The following LTBP2 variants were observed in gnomAD, a reference collection of about 807,000 sequenced individuals.
LTBP2 encodes latent transforming growth factor beta binding protein 2.
A neutral mutation model predicts 210.6 loss-of-function variants in LTBP2; 103 were observed. The ratio of observed to expected loss-of-function variants is 0.49; its 90% CI spans 0.42 to 0.58. The LOEUF (loss-of-function observed/expected upper bound fraction) is 0.58. Ranked by LOEUF, LTBP2 falls within the 20% of genes least tolerant of loss-of-function variation. LTBP2 has a pLI of 0.00. For missense variants in LTBP2, 2,313 were observed against 2,494.5 expected (o/e 0.93, Z 1.55); for synonymous variants, 1,007 against 1,015.0 (o/e 0.99, Z 0.15).
In LTBP2 at chr14:74,528,626, C is replaced by T; in HGVS notation, c.2225G>A (p.Arg742Lys). The change falls in exon 12 of 36, where the codon AGG (arginine) becomes AAG (lysine). Residue 742 changes from arginine (R) to lysine (K), a missense_variant. Transcript: ENST00000261978. ...TGCCAGTTCCTCCTCCTCGGCTTTC[C>T]TCATGGACAGGCGGATGTCGGAGCT... ...YASSDIRLSM[R>K]KAEEEELARP... The T allele has an allele frequency of 6.2e-7, 1 of 1,613,648 alleles. No individual in the cohort carries two copies. The highest frequency in any genetic ancestry group is 8.5e-7 in the Non-Finnish European group (1 of 1,180,052).
intron 10 of LTBP2, among the ~76,000 whole-genome samples, chr14:74,531,105 G>C (rs1398901925): frequency 6.6e-6 from 1 of 152,216 alleles, no homozygotes; most frequent in Non-Finnish European, 1.5e-5. Context: ...ACCCAGGTGG[G>C]AATATCAGGA....
intron 19 of LTBP2, 122 bp from the exon 20 acceptor site, chr14:74,510,335 A>T: frequency 7.0e-7 from 1 of 1,432,828 alleles, no homozygotes; most frequent in South Asian, 1.2e-5. Context: ...GCCGCAGGCC[A>T]CCTGGGGAGG....
Position 74,503,341 on chromosome 14 carries a change from T to C in LTBP2, c.4766A>G (p.Lys1589Arg). ...HDIHMDICWK[K>R]VTNDVCSEPL... is the part of the protein sequence containing the mutation. ...TTCGCTGCACACATCATTGGTGACT[T>C]TTTTCCAGCAGATGTCCATGTGGAT... is the stretch of plus-strand genomic sequence containing the variant. The change falls in exon 33 of 36, where the codon AAA becomes AGA. Residue 1589 changes from lysine (K) to arginine (R), a missense_variant. Lys to Arg is a conservative substitution (Grantham distance 26). Transcript: ENST00000261978. 6.2e-7 allele frequency: 1 copy of C among 1,613,760 alleles called. No individual in the cohort carries two copies. Among genetic ancestry groups the C allele is most frequent in the Non-Finnish European group, 8.5e-7 (1 of 1,179,972 alleles).
chr14:74,506,884 CGCGCGTGT>C (rs2086998627), intron 26 of LTBP2, 61 bp from the exon 27 acceptor site: 1 of 1,505,536 alleles, frequency 6.6e-7, no homozygotes, highest in Non-Finnish European at 9.0e-7. Flanking sequence ...TGTGTGCGCG[CGCGCGTGT>C]GTGCTCACTC....
intron 8 of LTBP2, among the ~76,000 whole-genome samples, chr14:74,537,124 G>A (rs2087431481): frequency 1.3e-5 from 2 of 150,682 alleles, no homozygotes; most frequent in Non-Finnish European, 2.9e-5. Flanking sequence ...TACACATCCT[G>A]CCTTGAAATC....
At chr14:74,523,522 G>A (rs1332201218) in intron 15 of LTBP2, among the ~76,000 whole-genome samples, 2 of 152,076 alleles carry the variant, frequency 1.3e-5, no homozygotes, top group East Asian at 1.9e-4. Context: ...CTTAAAACCT[G>A]TTGAAATAAT....
intron 3 of LTBP2, among the ~76,000 whole-genome samples, chr14:74,563,073 C>A (rs934440887): frequency 3.9e-5 from 6 of 152,182 alleles, no homozygotes; most frequent in Non-Finnish European, 8.8e-5. Context: ...GCTCCTCCCA[C>A]CACCATGACC....
chr14:74,586,978 C>G lies in LTBP2; in HGVS notation c.566-860G>C, dbSNP rs544081741. 1.3e-5 allele frequency among the ~76,000 whole-genome samples: 2 copies of G among 152,194 alleles called. No individual in the cohort carries two copies. Among genetic ancestry groups the G allele is most frequent in the African/African-American group, 4.8e-5 (2 of 41,440 alleles). ...GGCAAGGTGGAGCTGAAACCAGGCC[C>G]TCCTCCCGGTTAGCCCTATGCAGCA... On this transcript the variant is annotated intron_variant, in intron 2 of 35. Transcript: ENST00000261978. This position sits in a 1 kb window ranked among gnomAD's most constrained non-coding sequence, Gnocchi z 4.6.
intron 3 of LTBP2, among the ~76,000 whole-genome samples, chr14:74,564,109 ATT>A (rs1383515789): frequency 3.5e-5 from 1 of 28,442 alleles, no homozygotes; most frequent in South Asian, 8.0e-4. Flanking sequence ...TTATATATAT[ATT>A]TATATATATA....
chr14:74,551,070 G>C lies in LTBP2; in HGVS notation c.1680C>G (p.Asn560Lys). 1 of 1,613,698 alleles carries C rather than the reference G, an allele frequency of 6.2e-7. No individual in the cohort carries two copies. The highest frequency in any genetic ancestry group is 8.5e-7 in the Non-Finnish European group (1 of 1,180,024). Residue 560 changes from asparagine to lysine, a missense_variant, in exon 7 of 36, where the codon AAC becomes AAG. Physicochemically the swap from Asn to Lys is moderately conservative, Grantham distance 94. Coordinates refer to ENST00000261978, the MANE Select transcript of LTBP2 (RefSeq NM_000428.3). Reference protein sequence around the residue: ...LLGRCYLNTVNGQCANPLLEL... With the variant: ...LLGRCYLNTVKGQCANPLLEL... ...GCCAGAGCTGTGTTCTCACCTGTCC[G>C]TTCACAGTGTTCAGGTAACACCGGC...
At chr14:74,507,338 G>A (rs376456587) in intron 25 of LTBP2, 28 bp from the exon 26 acceptor site, 12 of 1,613,444 alleles carry the variant, frequency 7.4e-6, no homozygotes, top group Non-Finnish European at 1.0e-5. Context: ...CCATGAGAGA[G>A]GACAGAGGTG....
In LTBP2 at chr14:74,586,239, C is replaced by T. The variant is rs1256960210; in HGVS notation, c.566-121G>A. The T allele has an allele frequency of 2.6e-6, 3 of 1,167,778 alleles. No homozygotes were observed. Among genetic ancestry groups the T allele is most frequent in the Non-Finnish European group, 3.6e-6 (3 of 832,170 alleles). The allele number at this position is 1,167,778 out of a possible 1,614,324, so 72.3% of individuals were successfully genotyped here. ...GCAACCCTGTCGCTCAAGCAGGAAGCCACTCTCCTGGCCTCAGGGGGCTCC... is the reference window on the plus strand; with the variant it reads ...GCAACCCTGTCGCTCAAGCAGGAAGTCACTCTCCTGGCCTCAGGGGGCTCC... On this transcript the variant is annotated intron_variant, in intron 2 of 35. Coordinates refer to ENST00000261978, the MANE Select transcript of LTBP2 (RefSeq NM_000428.3). This position sits in a 1 kb window ranked among gnomAD's most constrained non-coding sequence, Gnocchi z 4.6.
At chr14:74,554,630 G>C (rs1406909187) in intron 4 of LTBP2, among the ~76,000 whole-genome samples, 1 of 152,224 alleles carries the variant, frequency 6.6e-6, no homozygotes, top group East Asian at 1.9e-4. Context: ...ACGGGAAATA[G>C]GTGAGTGGTT....
At position 74,504,805 on chromosome 14, in the gene LTBP2, A is replaced by C. The variant is rs2086960537; in HGVS notation, c.4426T>G (p.Trp1476Gly). 1.2e-6 allele frequency: 2 copies of C among 1,614,126 alleles called. No homozygotes were observed. Among genetic ancestry groups the C allele is most frequent in the Admixed American group, 1.7e-5 (1 of 60,016 alleles). The change falls in exon 30 of 36, where the codon TGG becomes GGG. Residue 1476 changes from tryptophan (W) to glycine (G), a missense_variant. Around this residue, in one of 3 missense-constraint regions of LTBP2, gnomAD observed 443 missense variants for 501.4 expected, o/e 0.88. Transcript: ENST00000261978. The part of the protein sequence containing the change: ...GKGYIPVEGA[W>G]TFGQTMYTDA... ...GTGTACATGGTCTGTCCAAACGTCC[A>C]GGCTCCTTCCACAGGAATGTAGCCT... is the stretch of plus-strand genomic sequence containing the variant.
In LTBP2 at chr14:74,586,091, CG is replaced by C. The variant is rs750800023; in HGVS notation, c.592del (p.Arg198GlyfsTer82). ...GAGCTGCGGGCGGCTGCAGGAGCCC[CG>C]GTTCTGGCACGGCGGCTCGCAAACG... is the stretch of plus-strand genomic sequence containing the variant. ...KPVCEPPCQNRGSCSRPQLCV... is the reference protein window; with the variant it reads ...KPVCEPPCQNXGSCSRPQLCV... On this transcript the variant is annotated frameshift_variant, in exon 3 of 36. Coordinates refer to ENST00000261978, the MANE Select transcript of LTBP2 (RefSeq NM_000428.3). LOFTEE classifies it high-confidence loss of function. The surrounding 1 kb of genome is among the most constrained non-coding windows in gnomAD (Gnocchi z 4.6). The C allele has an allele frequency of 6.2e-7, 1 of 1,600,496 alleles. No homozygotes were observed.
intron 2 of LTBP2, among the ~76,000 whole-genome samples, chr14:74,591,063 G>T (rs920391783): frequency 3.9e-5 from 6 of 152,148 alleles, no homozygotes; most frequent in African/African-American, 1.4e-4. Flanking sequence ...TGTGAGCCAA[G>T]CCCCTACGGC....
At chr14:74,511,732 T>A (rs369843573) in intron 18 of LTBP2, among the ~76,000 whole-genome samples, 1 of 152,304 alleles carries the variant, frequency 6.6e-6, no homozygotes. Context: ...ATTACTGGGA[T>A]GTGCTTGGCA....
At chr14:74,534,769 C>T (rs1259400734) in intron 9 of LTBP2, among the ~76,000 whole-genome samples, 3 of 152,042 alleles carry the variant, frequency 2.0e-5, no homozygotes, top group Non-Finnish European at 2.9e-5. Context: ...ATGACGCATG[C>T]GGGTGCAGAG....
chr14:74,604,997 A>G (rs1049408298), intron 1 of LTBP2, among the ~76,000 whole-genome samples: 4 of 152,218 alleles, frequency 2.6e-5, no homozygotes, highest in African/African-American at 9.6e-5. Context: ...CTTCTCCTGG[A>G]GATCTCTAGG....
Sources: gnomAD v4.1 joint callset for allele counts (sites outside exome capture counted in the v4.1 genomes callset) on GRCh38, gnomAD v4.1.1 for gene constraint, gnomAD v4.1.1 regional missense constraint, Gnocchi (gnomAD v3.1) non-coding constraint, MANE v1.5 for transcripts, NCBI Gene and HGNC (gene_info 2026-07-23, HGNC 2026-07-21) for gene names.